The following SRRM3 variants were observed in gnomAD, a reference collection of about 807,000 sequenced individuals.
SRRM3 encodes serine/arginine repetitive matrix protein 3.
SRRM3 carries 27 observed loss-of-function variants against 66.2 expected under a neutral mutation model. That is an observed-to-expected ratio of 0.41 (90% CI 0.30 to 0.56). The LOEUF (loss-of-function observed/expected upper bound fraction) is 0.56, where lower values mean the gene tolerates loss of function less well. SRRM3 is among the 20% of genes least tolerant of loss of function. The pLI is 0.32. For missense variants in SRRM3, 918 were observed against 991.9 expected (o/e 0.93, Z 1.00); for synonymous variants, 391 against 414.9 (o/e 0.94, Z 0.70).
At chr7:76,208,233 G>A (rs1254992617) in intron 1 of SRRM3, among the ~76,000 whole-genome samples, 1 of 152,144 alleles carries the variant, frequency 6.6e-6, no homozygotes, top group Non-Finnish European at 1.5e-5. Flanking sequence ...AAAGCACCCA[G>A]AACTGGAATC....
At chr7:76,213,004 CTTTTTTT>C (rs57266029) in intron 1 of SRRM3, among the ~76,000 whole-genome samples, 1 of 67,904 alleles carries the variant, frequency 1.5e-5, no homozygotes, top group African/African-American at 5.6e-5. Context: ...CACCCCATTC[CTTTTTTT>C]TTTTTTTTTT....
intron 8 of SRRM3, among the ~76,000 whole-genome samples, chr7:76,264,413 G>T (rs1801959329): frequency 6.6e-6 from 1 of 152,080 alleles, no homozygotes. Context: ...TGATCCACTG[G>T]CCTCAGCCTC....
At chr7:76,276,639 C>T (rs1470960410) in intron 11 of SRRM3, among the ~76,000 whole-genome samples, 1 of 152,146 alleles carries the variant, frequency 6.6e-6, no homozygotes, top group African/African-American at 2.4e-5. Context: ...GTTCGGAGGT[C>T]TCTGAGCATC....
chr7:76,267,379 G>A lies in SRRM3; in HGVS notation c.952G>A (p.Gly318Arg). Residue 318 changes from glycine to arginine, a missense_variant, in exon 11 of 15, where the codon GGG (glycine) becomes AGG (arginine). By Grantham distance (125) the Gly-to-Arg change is moderately radical. Coordinates refer to ENST00000611745, the MANE Select transcript of SRRM3 (RefSeq NM_001110199.3). ...GTCGCCCCAGCGGAACGGCGGCAGC[G>A]GGCAGCGGAGCGGAGCGCACGGGGG... ...WGSPQRNGGS[G>R]QRSGAHGGRP... is the part of the protein sequence containing the mutation. 11 of 1,442,366 alleles carry A rather than the reference G, an allele frequency of 7.6e-6. No homozygotes were observed. Among genetic ancestry groups the A allele is most frequent in the Non-Finnish European group, 1.0e-5 (11 of 1,103,080 alleles). 89.3% of individuals were successfully genotyped at this position (1,442,366 alleles called of 1,614,324 possible). A position where few individuals can be genotyped will look rare whatever the true frequency, so the allele number is the denominator to read the frequency against.
intron 6 of SRRM3, 37 bp from the exon 7 acceptor site, chr7:76,261,315 C>A: frequency 7.6e-6 from 3 of 396,408 alleles, no homozygotes; most frequent in Non-Finnish European, 9.6e-6. Flanking sequence ...CCACCCCCCA[C>A]CCCAGCTCAC....
chr7:76,231,690 G>T (rs1258371192), intron 1 of SRRM3, among the ~76,000 whole-genome samples: 1 of 152,262 alleles, frequency 6.6e-6, no homozygotes, highest in African/African-American at 2.4e-5. Context: ...TAGAATAGGA[G>T]TTACAAGCAA....
At chr7:76,202,702 CAG>C (rs1488547131) in intron 1 of SRRM3, among the ~76,000 whole-genome samples, 7 of 152,178 alleles carry the variant, frequency 4.6e-5, no homozygotes, top group Non-Finnish European at 8.8e-5. Context: ...CACGGACGCC[CAG>C]AGAGAGTTTC....
In SRRM3 at chr7:76,242,878, A is replaced by C. The variant is rs868906523; in HGVS notation, c.234-5310A>C. Among the ~76,000 whole-genome samples the C allele has an allele frequency of 4.6e-5, 7 of 152,306 alleles. No homozygotes were observed. The South Asian group carries it at 1.0e-3, about 23-fold the overall frequency. On this transcript the variant is annotated intron_variant, in intron 2 of 14. Coordinates refer to ENST00000611745, the MANE Select transcript of SRRM3 (RefSeq NM_001110199.3). ...AGTGATAGGGAGCAGCTATAAATAC[A>C]GGTGAAGCTTTGCCCCCTTGCCTGC...
intron 1 of SRRM3, among the ~76,000 whole-genome samples, chr7:76,233,838 G>A (rs1026676089): frequency 1.6e-4 from 24 of 152,114 alleles, no homozygotes; most frequent in Non-Finnish European, 1.6e-4. Context: ...TTTCATCACC[G>A]CTGTTGCCTC....
intron 2 of SRRM3, among the ~76,000 whole-genome samples, chr7:76,240,619 CA>C (rs200938394): frequency 0.34 from 31,191 of 91,562 alleles, 3,195 homozygotes; most frequent in East Asian, 0.45. Flanking sequence ...GACTCCATCT[CA>C]AAAAAAAAAA....
intron 8 of SRRM3, among the ~76,000 whole-genome samples, chr7:76,262,118 G>A (rs945946761): frequency 9.2e-5 from 14 of 151,928 alleles, no homozygotes; most frequent in African/African-American, 3.4e-4. Flanking sequence ...GCAGTGGCTT[G>A]TTCAGGGTGG....
At chr7:76,211,816 C>CTACTATTAT (rs1290584396) in intron 1 of SRRM3, among the ~76,000 whole-genome samples, 4 of 140,646 alleles carry the variant, frequency 2.8e-5, no homozygotes, top group African/African-American at 1.0e-4. Context: ...ACTATTACTA[C>CTACTATTAT]TATTATTATT....
At chr7:76,277,049 C>T (rs1480483611) in intron 11 of SRRM3, among the ~76,000 whole-genome samples, 1 of 152,242 alleles carries the variant, frequency 6.6e-6, no homozygotes, top group Non-Finnish European at 1.5e-5. Context: ...GGGCCGATTC[C>T]AGGGTGTTCC....
At chr7:76,223,984 T>G (rs1195060989) in intron 1 of SRRM3, among the ~76,000 whole-genome samples, 2 of 34,816 alleles carry the variant, frequency 5.7e-5, no homozygotes, top group Non-Finnish European at 5.1e-5. Context: ...GAGCATCCCC[T>G]CCCCTCCCCC....
chr7:76,234,169 C>T (rs1801082012), intron 1 of SRRM3, among the ~76,000 whole-genome samples: 1 of 149,950 alleles, frequency 6.7e-6, no homozygotes, highest in South Asian at 2.1e-4. Context: ...AGGTGCCTCC[C>T]CTCTGTTAAG....
At chr7:76,239,117 C>G (rs1217697953) in intron 2 of SRRM3, among the ~76,000 whole-genome samples, 1 of 152,114 alleles carries the variant, frequency 6.6e-6, no homozygotes, top group Non-Finnish European at 1.5e-5. Flanking sequence ...ACTGCAACCT[C>G]CACCTCCCAG....
In SRRM3 at chr7:76,235,278, A is replaced by C; in HGVS notation, c.212A>C (p.Gln71Pro). The change falls in exon 2 of 15, where the codon CAG (glutamine) becomes CCG (proline). Residue 71 changes from glutamine to proline, a missense_variant. Physicochemically the swap from Gln to Pro is moderately conservative, Grantham distance 76. Coordinates refer to ENST00000611745, the MANE Select transcript of SRRM3 (RefSeq NM_001110199.3). ...GTGGAGCTCAAGTGCATGGAGCTGCAGGAGATGATGGAGGAGCAGGGGTGA... is the reference window on the plus strand; with the variant it reads ...GTGGAGCTCAAGTGCATGGAGCTGCCGGAGATGATGGAGGAGCAGGGGTGA... The part of the protein sequence containing the change: ...RRVELKCMEL[Q>P]EMMEEQGYSE... 6.6e-7 allele frequency: 1 copy of C among 1,526,702 alleles called. No individual in the cohort carries two copies. The highest frequency in any genetic ancestry group is 8.8e-7 in the Non-Finnish European group (1 of 1,142,724). The allele number at this position is 1,526,702 out of a possible 1,614,324, so 94.6% of individuals were successfully genotyped here. A position where few individuals can be genotyped will look rare whatever the true frequency, so the allele number is the denominator to read the frequency against.
intron 1 of SRRM3, among the ~76,000 whole-genome samples, chr7:76,221,922 A>G (rs1800732370): frequency 6.6e-6 from 1 of 152,210 alleles, no homozygotes; most frequent in Non-Finnish European, 1.5e-5. Flanking sequence ...CAGGCACTGT[A>G]CACACGTTAT....
chr7:76,250,673 C>T (rs1038805599), intron 3 of SRRM3, among the ~76,000 whole-genome samples: 4 of 152,208 alleles, frequency 2.6e-5, no homozygotes, highest in African/African-American at 9.7e-5. Flanking sequence ...TAATCCTCAT[C>T]TCTCTGGCCA....
Sources: gnomAD v4.1 joint callset for allele counts (sites outside exome capture counted in the v4.1 genomes callset) on GRCh38, gnomAD v4.1.1 for gene constraint, MANE v1.5 for transcripts, NCBI Gene and HGNC (gene_info 2026-07-23, HGNC 2026-07-21) for gene names.